Variants in SPG7 observed in about 807,000 individuals in gnomAD.
SPG7 encodes SPG7 matrix AAA peptidase subunit, paraplegin.
In SPG7, 103 loss-of-function variants were observed where a neutral mutation model predicts 81.9. That is an observed-to-expected ratio of 1.26 (90% CI 1.07 to 1.48). The LOEUF (loss-of-function observed/expected upper bound fraction) is 1.48, where lower values mean the gene tolerates loss of function less well. Ranked by LOEUF, SPG7 falls within the 40% of genes most tolerant of loss-of-function variation. SPG7 has a pLI of 0.00. For missense variants in SPG7, 1,241 were observed against 1,087.3 expected, an observed-to-expected ratio of 1.14 and a Z score of -1.99; for synonymous variants, 534 against 444.2, an observed-to-expected ratio of 1.20 and a Z score of -2.54.
At chr16:89,518,564 A>G (rs1377431321) in intron 3 of SPG7, 1 of 151,950 alleles carries the variant, frequency 6.6e-6, no homozygotes, top group African/African-American at 2.4e-5. Context: ...GACTCCGCTC[A>G]CTGATAACGC....
chr16:89,539,262 C>T (rs1175052553), intron 9 of SPG7: 4 of 151,932 alleles, frequency 2.6e-5, no homozygotes, highest in African/African-American at 4.8e-5. Flanking sequence ...ACTGTTTGCC[C>T]GCCGGGCATG....
chr16:89,514,044 C>T (rs1046306662), intron 3 of SPG7, among the ~76,000 whole-genome samples: 2 of 152,108 alleles, frequency 1.3e-5, no homozygotes, highest in African/African-American at 2.4e-5. Flanking sequence ...GAGAGAGGAG[C>T]TCTGACTCTC....
chr16:89,544,544 AG>A (rs1278131250), intron 9 of SPG7, 103 bp from the exon 10 acceptor site: 8 of 1,359,828 alleles, frequency 5.9e-6, no homozygotes, highest in South Asian at 2.3e-5. Flanking sequence ...TCTGGGCCTT[AG>A]GGGGGTCTCT....
chr16:89,524,372 C>G, intron 4 of SPG7, 125 bp downstream of exon 4: 1 of 1,078,050 alleles, frequency 9.3e-7, no homozygotes, highest in Non-Finnish European at 1.3e-6. Flanking sequence ...CTTTTGGATA[C>G]CTGTGATTGA....
At chr16:89,552,085 C>T (rs2058640145) in intron 13 of SPG7, 1 of 152,012 alleles carries the variant, frequency 6.6e-6, no homozygotes, top group Admixed American at 6.6e-5. Context: ...GAGACAGGGT[C>T]TCTCTCTCTG....
chr16:89,532,535 A>G lies in SPG7; in HGVS notation c.1223A>G (p.Asp408Gly), dbSNP rs781433358. 7 of 1,613,718 alleles carry G rather than the reference A, an allele frequency of 4.3e-6. No homozygotes were observed. Among genetic ancestry groups the G allele is most frequent in the Non-Finnish European group, 5.9e-6 (7 of 1,180,000 alleles). The change falls in exon 9 of 17, where the codon GAT becomes GGT. Residue 408 changes from aspartate to glycine, a missense_variant. Asp to Gly is a moderately conservative substitution (Grantham distance 94). Coordinates refer to ENST00000645818, the MANE Select transcript of SPG7 (RefSeq NM_003119.4). Reference sequence around the variant, plus strand: ...CGGGCCCCCTGCATCGTCTACATCGATGAGATCGACGCGGTGGGCAAGAAG... The same window carrying G: ...CGGGCCCCCTGCATCGTCTACATCGGTGAGATCGACGCGGTGGGCAAGAAG... ...RARAPCIVYI[D>G]EIDAVGKKRS...
intron 1 of SPG7, chr16:89,508,926 A>G: frequency 1.8e-6 from 1 of 545,238 alleles, no homozygotes; most frequent in Non-Finnish European, 3.5e-6. Context: ...CCGGCGTAGC[A>G]CTAATTTACA....
intron 9 of SPG7, chr16:89,536,661 AGGCG>A: frequency 7.1e-7 from 1 of 1,408,424 alleles, no homozygotes; most frequent in Non-Finnish European, 9.9e-7. Context: ...GAGGCAGGCG[AGGCG>A]GGTGAGATCG....
At chr16:89,515,834 A>G (rs1324268121) in intron 3 of SPG7, among the ~76,000 whole-genome samples, 2 of 151,100 alleles carry the variant, frequency 1.3e-5, no homozygotes, top group Non-Finnish European at 2.9e-5. Context: ...CAGCCTCTCG[A>G]GTAGCTGGGA....
At chr16:89,547,074 G>T in intron 11 of SPG7, 1 of 380,404 alleles carries the variant, frequency 2.6e-6, no homozygotes, top group South Asian at 2.2e-5. Context: ...GTCAGACCCA[G>T]AGTCAGACCA....
At chr16:89,535,714 G>A (rs917682841) in intron 9 of SPG7, among the ~76,000 whole-genome samples, 33 of 152,230 alleles carry the variant, frequency 2.2e-4, no homozygotes, top group African/African-American at 7.2e-5. Context: ...CACCGCCTCT[G>A]CTGGGAGAGC....
At chr16:89,556,757 C>T in intron 16 of SPG7, 130 bp from the exon 17 acceptor site, 2 of 774,614 alleles carry the variant, frequency 2.6e-6, no homozygotes, top group South Asian at 1.4e-5. Flanking sequence ...CCTCCGCTTC[C>T]CTGGGAAAGT....
intron 9 of SPG7, chr16:89,532,848 C>A: frequency 1.7e-6 from 1 of 586,116 alleles, no homozygotes; most frequent in Admixed American, 2.7e-5. Flanking sequence ...CTTTGGGAGG[C>A]CAAGACAGGC....
intron 9 of SPG7, chr16:89,533,546 G>C (rs2058374261): frequency 6.6e-6 from 1 of 152,104 alleles, no homozygotes; most frequent in Admixed American, 6.6e-5. Flanking sequence ...TGGAAGAGCT[G>C]TGCCACTCAT....
chr16:89,548,552 G>A (rs768629127), intron 12 of SPG7: 18 of 310,690 alleles, frequency 5.8e-5, no homozygotes, highest in Non-Finnish European at 1.0e-4. Context: ...AGCGCAGCAG[G>A]GGCTCTGCGG....
At position 89,556,893 on chromosome 16, in the gene SPG7, A is replaced by C. The variant is rs35749032; in HGVS notation, c.2188A>C (p.Asn730His). The C allele has an allele frequency of 6.2e-7, 1 of 1,613,642 alleles. No individual in the cohort carries two copies. ...DNLDKLQALANALLEKEVINY... is the reference protein window; with the variant it reads ...DNLDKLQALAHALLEKEVINY... ...CTATGCCTGTTCTTTCTAGCTGGCA[A>C]ACGCCCTTCTGGAAAAGGAAGTGAT... The change falls in exon 17 of 17, where the codon AAC (asparagine) becomes CAC (histidine). Residue 730 changes from asparagine to histidine, a missense_variant. Coordinates refer to ENST00000645818, the MANE Select transcript of SPG7 (RefSeq NM_003119.4).
At chr16:89,532,975 C>G in intron 9 of SPG7, 1 of 338,530 alleles carries the variant, frequency 3.0e-6, no homozygotes, top group Non-Finnish European at 5.7e-6. Flanking sequence ...CGCTAGTACT[C>G]TGGAGAATCG....
chr16:89,529,351 C>G (rs74037217), intron 5 of SPG7, 126 bp from the exon 6 acceptor site: 3 of 714,852 alleles, frequency 4.2e-6, no homozygotes, highest in African/African-American at 3.5e-5. Flanking sequence ...ATCTGCGCAT[C>G]GGTCCCAGAC....
chr16:89,532,721 G>C, intron 9 of SPG7, 85 bp downstream of exon 9: 5 of 1,536,312 alleles, frequency 3.3e-6, no homozygotes, highest in Non-Finnish European at 4.5e-6. Context: ...GGTGAGCCAA[G>C]ATCGTGTCAC....
Sources: allele counts gnomAD v4.1 joint callset (sites outside exome capture counted in the v4.1 genomes callset), GRCh38; gene constraint gnomAD v4.1.1; transcripts MANE v1.5; gene names NCBI Gene and HGNC (gene_info 2026-07-23, HGNC 2026-07-21).